ZNF277: variants seen among roughly 807,000 people sequenced by gnomAD.
ZNF277 encodes zinc finger protein 277.
Under a neutral mutation model 60.7 loss-of-function variants are expected in ZNF277, and 55 were observed. That is an observed-to-expected ratio of 0.91 (90% CI 0.73 to 1.13). ZNF277 has a LOEUF of 1.13. Among genes scored for constraint, ZNF277 ranks in the 50% most tolerant of loss-of-function variants. The pLI is 0.00. For missense variants in ZNF277, 510 were observed against 523.0 expected (o/e 0.98, Z 0.24); for synonymous variants, 178 against 179.3 (o/e 0.99, Z 0.06).
At chr7:112,247,362 T>G (rs1791108519) in intron 1 of ZNF277, among the ~76,000 whole-genome samples, 1 of 152,184 alleles carries the variant, frequency 6.6e-6, no homozygotes, top group African/African-American at 2.4e-5. Flanking sequence ...TCAAACATGA[T>G]GGAATACGGT....
At chr7:112,270,578 T>C (rs1228827937) in intron 1 of ZNF277, among the ~76,000 whole-genome samples, 1 of 152,130 alleles carries the variant, frequency 6.6e-6, no homozygotes, top group African/African-American at 2.4e-5. Flanking sequence ...TTATCAAATA[T>C]ATATGAGCAG....
rs771407352 is a variant in ZNF277, at chr7:112,206,793, G to T, written c.77G>T (p.Gly26Val). 2 of 1,613,420 alleles carry T rather than the reference G, an allele frequency of 1.2e-6. No individual in the cohort carries two copies. The highest frequency in any genetic ancestry group is 1.7e-6 in the Non-Finnish European group (2 of 1,179,748). Reference protein sequence around the residue: ...DRDGSCSTVGGVGYGDSKDCI... With the variant: ...DRDGSCSTVGVVGYGDSKDCI... ...GATGGGAGCTGCAGCACAGTCGGGG[G>T]TGTAGGTTATGGGGGTGAGTACGGT... Residue 26 changes from glycine to valine, a missense_variant, in exon 1 of 12, where the codon GGT (glycine) becomes GTT (valine). Coordinates refer to ENST00000361822, the MANE Select transcript of ZNF277 (RefSeq NM_021994.3).
intron 4 of ZNF277, among the ~76,000 whole-genome samples, chr7:112,296,912 A>ATTTATTT (rs1563219694): frequency 3.0e-4 from 12 of 39,658 alleles, no homozygotes; most frequent in Non-Finnish European, 5.3e-4. Flanking sequence ...TTATTTATTT[A>ATTTATTT]TTTTTTTTTT....
intron 5 of ZNF277, 34 bp from the exon 6 acceptor site, chr7:112,327,683 G>T: frequency 1.3e-6 from 2 of 1,537,948 alleles, no homozygotes; most frequent in Non-Finnish European, 1.8e-6. Flanking sequence ...TAGATGATTT[G>T]TGAATAATCC....
chr7:112,228,181 T>C (rs994496679), intron 1 of ZNF277, among the ~76,000 whole-genome samples: 11 of 152,076 alleles, frequency 7.2e-5, no homozygotes, highest in Non-Finnish European at 1.5e-4. Flanking sequence ...CATCTCTTTG[T>C]CTTCCCCCTA....
intron 1 of ZNF277, among the ~76,000 whole-genome samples, chr7:112,247,927 CA>C (rs1306645866): frequency 6.6e-6 from 1 of 151,058 alleles, no homozygotes; most frequent in Non-Finnish European, 1.5e-5. Context: ...AAGACCATGC[CA>C]TTGCACTCTA....
intron 1 of ZNF277, among the ~76,000 whole-genome samples, chr7:112,221,551 T>C (rs1210260071): frequency 6.6e-6 from 1 of 152,188 alleles, no homozygotes; most frequent in Non-Finnish European, 1.5e-5. Context: ...TCTATTATTA[T>C]TAATATTTAC....
At chr7:112,301,798 T>A (rs144274157) in intron 4 of ZNF277, among the ~76,000 whole-genome samples, 2,610 of 151,126 alleles carry the variant, frequency 0.017, 53 homozygotes, top group Non-Finnish European at 0.029. Flanking sequence ...CTCTTAGCAG[T>A]TTAGACTGTT....
chr7:112,229,959 T>A (rs1822278681), intron 1 of ZNF277, among the ~76,000 whole-genome samples: 1 of 152,098 alleles, frequency 6.6e-6, no homozygotes, highest in Non-Finnish European at 1.5e-5. Flanking sequence ...ACACCTGCTT[T>A]TTACTAAAAC....
chr7:112,287,527 ACTT>A (rs1211935261), intron 2 of ZNF277: 2 of 145,436 alleles, frequency 1.4e-5, no homozygotes, highest in African/African-American at 5.3e-5. Flanking sequence ...TACTTCTGAG[ACTT>A]TTTTTTTTTT....
chr7:112,315,261 G>T (rs555398872), intron 4 of ZNF277, among the ~76,000 whole-genome samples: 3 of 152,204 alleles, frequency 2.0e-5, no homozygotes, highest in East Asian at 1.9e-4. Context: ...AGAATTTGAT[G>T]ATCTGTTTTT....
chr7:112,262,503 GA>G (rs1439316092), intron 1 of ZNF277, among the ~76,000 whole-genome samples: 2 of 151,854 alleles, frequency 1.3e-5, no homozygotes, highest in African/African-American at 4.8e-5. Flanking sequence ...ATTTATTTAT[GA>G]AAAAAGTACA....
intron 1 of ZNF277, among the ~76,000 whole-genome samples, chr7:112,211,913 A>C (rs192293746): frequency 2.0e-5 from 3 of 152,362 alleles, no homozygotes; most frequent in Admixed American, 2.0e-4. Flanking sequence ...TACAGTAAAC[A>C]TTGTATAACA....
intron 5 of ZNF277, among the ~76,000 whole-genome samples, chr7:112,325,806 C>G (rs534202043): frequency 6.6e-6 from 1 of 152,298 alleles, no homozygotes; most frequent in East Asian, 1.9e-4. Context: ...TCAGGAAGGT[C>G]TGGCCTATAA....
At chr7:112,229,953 C>T (rs1275847647) in intron 1 of ZNF277, among the ~76,000 whole-genome samples, 2 of 152,074 alleles carry the variant, frequency 1.3e-5, no homozygotes, top group Non-Finnish European at 2.9e-5. Flanking sequence ...TGCCCTACAC[C>T]TGCTTTTTAC....
In ZNF277 at chr7:112,291,852, C is replaced by T. The variant is rs562259647; in HGVS notation, c.294-4017C>T. ...TGTTGTTGTTGTTGTCTATAGTATA[C>T]CACAGTAAGATATGATGCCTAATTT... is the stretch of plus-strand genomic sequence containing the variant. On this transcript the variant is annotated intron_variant, in intron 2 of 11. Transcript: ENST00000361822. Among the ~76,000 whole-genome samples, 4 of 152,182 alleles carry T rather than the reference C, an allele frequency of 2.6e-5. No individual in the cohort carries two copies. The East Asian group carries it at 5.8e-4, about 22-fold the overall frequency.
At chr7:112,266,919 A>G (rs1011434352) in intron 1 of ZNF277, among the ~76,000 whole-genome samples, 1 of 152,212 alleles carries the variant, frequency 6.6e-6, no homozygotes, top group Non-Finnish European at 1.5e-5. Context: ...ATCAAAAAAT[A>G]CATACTTATA....
chr7:112,238,830 C>T (rs1192988476), intron 1 of ZNF277, among the ~76,000 whole-genome samples: 2 of 145,870 alleles, frequency 1.4e-5, no homozygotes, highest in South Asian at 2.2e-4. Context: ...TTTTAGAGAG[C>T]GGGTGGTGTT....
At chr7:112,297,505 G>C (rs1006751196) in intron 4 of ZNF277, among the ~76,000 whole-genome samples, 1 of 152,132 alleles carries the variant, frequency 6.6e-6, no homozygotes, top group Non-Finnish European at 1.5e-5. Context: ...ATTTAAGAAA[G>C]TCCCTGGAAG....
Sources: allele counts gnomAD v4.1 joint callset (sites outside exome capture counted in the v4.1 genomes callset), GRCh38; gene constraint gnomAD v4.1.1; transcripts MANE v1.5; gene names NCBI Gene and HGNC (gene_info 2026-07-23, HGNC 2026-07-21).